The following RAB27A variants were observed in gnomAD, a reference collection of about 807,000 sequenced individuals.
The protein encoded by RAB27A is RAB27A, member RAS oncogene family, also known as ras-related protein Rab-27A.
RAB27A carries 17 observed loss-of-function variants against 20.8 expected under a neutral mutation model. The observed-to-expected ratio is 0.82, with a 90% CI of 0.56 to 1.23. RAB27A has a LOEUF of 1.23. RAB27A is among the 50% of genes most tolerant of loss of function. The probability of loss-of-function intolerance (pLI) is 0.00; values close to 1 mark genes in which losing one functional copy is unlikely to be tolerated. For missense variants in RAB27A, 277 were observed against 266.7 expected (o/e 1.04, Z -0.27); for synonymous variants, 85 against 92.8 (o/e 0.92, Z 0.48).
At chr15:55,318,382 C>A (rs2055078680) in intron 1 of RAB27A, among the ~76,000 whole-genome samples, 1 of 143,264 alleles carries the variant, frequency 7.0e-6, no homozygotes, top group African/African-American at 2.5e-5. Context: ...CAGGCGTGAG[C>A]CACCGCGCCC....
At position 55,234,818 on chromosome 15, in the gene RAB27A, G is replaced by A. The variant is rs369152309; in HGVS notation, c.117C>T (p.Ile39=). 1.2e-6 allele frequency: 2 copies of A among 1,611,938 alleles called. No homozygotes were observed. Among genetic ancestry groups the A allele is most frequent in the Non-Finnish European group, 8.5e-7 (1 of 1,178,324 alleles). ...CCCTGAAATCAATGCCCACTGTTGT[G>A]ATAAATTTGGAGTTAAATTTACCAT... ...YTDGKFNSKF[I]TTVGIDFREK... is the part of the protein sequence containing the mutation. Residue 39 remains isoleucine, a synonymous_variant, in exon 3 of 7, where the codon ATC becomes ATT. Transcript: ENST00000336787.
intron 2 of RAB27A, among the ~76,000 whole-genome samples, chr15:55,303,058 C>A (rs1342739841): frequency 6.8e-6 from 1 of 146,840 alleles, no homozygotes; most frequent in Non-Finnish European, 1.5e-5. Context: ...CCCGCCCGGC[C>A]AGCCGCGCCA....
At position 55,223,964 on chromosome 15, in the gene RAB27A, C is replaced by A; in HGVS notation, c.392G>T (p.Cys131Phe). 1 of 1,611,120 alleles carries A rather than the reference C, an allele frequency of 6.2e-7. No individual in the cohort carries two copies. ...AYCENPDIVLCGNKSDLEDQR... is the reference protein window; with the variant it reads ...AYCENPDIVLFGNKSDLEDQR... ...GTCCTCCAGATCACTCTTGTTTCCACACAGCACTATATCTGGGTTTTCACA... is the reference window on the plus strand; with the variant it reads ...GTCCTCCAGATCACTCTTGTTTCCAAACAGCACTATATCTGGGTTTTCACA... Residue 131 changes from cysteine (C) to phenylalanine (F), a missense_variant, in exon 6 of 7, where the codon TGT (cysteine) becomes TTT (phenylalanine). Coordinates refer to ENST00000336787, the MANE Select transcript of RAB27A (RefSeq NM_183235.3).
chr15:55,269,748 AAAAACAAAAC>A (rs752534493), intron 2 of RAB27A: 2 of 152,364 alleles, frequency 1.3e-5, no homozygotes, highest in African/African-American at 4.8e-5. Flanking sequence ...CTCAAATTTA[AAAAACAAAAC>A]AAAACAAAAC....
At chr15:55,233,464 G>A (rs959074865) in intron 3 of RAB27A, among the ~76,000 whole-genome samples, 13 of 152,054 alleles carry the variant, frequency 8.5e-5, no homozygotes, top group African/African-American at 1.9e-4. Flanking sequence ...TAAACAAAAT[G>A]GTGTATCAAT....
chr15:55,261,206 G>C (rs1450742434), intron 2 of RAB27A, among the ~76,000 whole-genome samples: 1 of 151,870 alleles, frequency 6.6e-6, no homozygotes. Flanking sequence ...AAACCAGCCT[G>C]GCCAAGATGG....
intron 2 of RAB27A, among the ~76,000 whole-genome samples, chr15:55,303,264 G>A (rs1595755743): frequency 9.5e-6 from 1 of 104,734 alleles, no homozygotes; most frequent in Non-Finnish European, 1.9e-5. Flanking sequence ...GAGGTGGGGG[G>A]GTCAGCCCCC....
intron 2 of RAB27A, among the ~76,000 whole-genome samples, chr15:55,258,342 G>A (rs550114043): frequency 6.6e-6 from 1 of 152,172 alleles, no homozygotes. Context: ...ACCAGCAAGA[G>A]TTTCTCTAGA....
At chr15:55,285,196 C>T (rs941334310) in intron 1 of RAB27A, among the ~76,000 whole-genome samples, 2 of 151,982 alleles carry the variant, frequency 1.3e-5, no homozygotes, top group African/African-American at 4.8e-5. Context: ...CACCCCACCT[C>T]CATCCCCACA....
chr15:55,257,990 C>T (rs1897141056), intron 2 of RAB27A, among the ~76,000 whole-genome samples: 1 of 150,004 alleles, frequency 6.7e-6, no homozygotes, highest in African/African-American at 2.5e-5. Flanking sequence ...TTGCTTGAAC[C>T]TGGGAGGCGC....
At chr15:55,285,809 CA>C (rs1421305500) in intron 1 of RAB27A, among the ~76,000 whole-genome samples, 2 of 152,104 alleles carry the variant, frequency 1.3e-5, no homozygotes, top group African/African-American at 2.4e-5. Flanking sequence ...CTCAAATTTC[CA>C]AAAAACTTCA....
intron 1 of RAB27A, among the ~76,000 whole-genome samples, chr15:55,279,845 T>C (rs977684738): frequency 1.1e-4 from 16 of 152,150 alleles, no homozygotes; most frequent in Admixed American, 5.9e-4. Context: ...TAATGACTCA[T>C]CAACTACAAA....
intron 1 of RAB27A, among the ~76,000 whole-genome samples, chr15:55,278,703 C>T (rs1328062337): frequency 2.0e-5 from 3 of 152,058 alleles, no homozygotes; most frequent in Admixed American, 1.3e-4. Context: ...AGGATGGTCT[C>T]GATCTCCTGA....
chr15:55,259,787 A>C (rs1897209403), intron 2 of RAB27A: 2 of 152,212 alleles, frequency 1.3e-5, no homozygotes, highest in South Asian at 4.1e-4. Flanking sequence ...GATATGCAAT[A>C]AATGAATGGA....
At chr15:55,211,784 T>C (rs9920220) in intron 6 of RAB27A, among the ~76,000 whole-genome samples, 40,490 of 151,750 alleles carry the variant, frequency 0.27, 6,960 homozygotes, top group African/African-American at 0.49. Context: ...TCCTGTTTTC[T>C]TATACAGGTC....
rs1822688979 is a variant in RAB27A at position 55,204,145 on chromosome 15, T to C, written c.*1362A>G. On this transcript the variant is annotated 3_prime_UTR_variant, in exon 7 of 7. Transcript: ENST00000336787. ...AGTGATATTTCTTCCTATATAGCCA[T>C]TAAGATCTCTGGAAGTTTTGATCTA... The C allele has an allele frequency of 6.6e-6, 1 of 152,202 alleles. No homozygotes were observed. The highest frequency in any genetic ancestry group is 2.1e-4 in the South Asian group (1 of 4,824). 9.4% of individuals were successfully genotyped at this position (152,202 alleles called of 1,614,324 possible). A position where few individuals can be genotyped will look rare whatever the true frequency, so the allele number is the denominator to read the frequency against.
intron 1 of RAB27A, among the ~76,000 whole-genome samples, chr15:55,279,384 C>T (rs1897956826): frequency 6.6e-6 from 1 of 152,158 alleles, no homozygotes; most frequent in Admixed American, 6.5e-5. Flanking sequence ...TTCTGGGTCC[C>T]ATTCAGGCCT....
At chr15:55,295,190 GAGAA>G (rs1052455552) in intron 2 of RAB27A, among the ~76,000 whole-genome samples, 7 of 152,170 alleles carry the variant, frequency 4.6e-5, no homozygotes, top group East Asian at 1.9e-4. Flanking sequence ...GCAAGAGAAA[GAGAA>G]AGAAGGAAGG....
intron 2 of RAB27A, among the ~76,000 whole-genome samples, chr15:55,268,191 G>C (rs1198933179): frequency 2.0e-5 from 3 of 150,856 alleles, no homozygotes; most frequent in Non-Finnish European, 4.4e-5. Context: ...AACCTTGACA[G>C]AGAATGTCAG....
Sources: allele counts gnomAD v4.1 joint callset (sites outside exome capture counted in the v4.1 genomes callset), GRCh38; gene constraint gnomAD v4.1.1; transcripts MANE v1.5; gene names NCBI Gene and HGNC (gene_info 2026-07-23, HGNC 2026-07-21).